KLF8: variants seen among roughly 807,000 people sequenced by gnomAD.
The protein encoded by KLF8 is Krueppel-like factor 8.
Under a neutral mutation model 18.2 loss-of-function variants are expected in KLF8, and 10 were observed. The observed-to-expected ratio is 0.55, with a 90% CI of 0.34 to 0.93. The LOEUF (loss-of-function observed/expected upper bound fraction) is 0.93. Among genes scored for constraint, KLF8 ranks in the 40% least tolerant of loss-of-function variants. The probability of loss-of-function intolerance (pLI) is 0.02; values close to 1 mark genes in which losing one functional copy is unlikely to be tolerated. For synonymous variants in KLF8, 109 were observed against 97.3 expected (o/e 1.12, Z -0.71); for missense variants, 264 against 277.9 (o/e 0.95, Z 0.36).
chrX:56,264,636 C>G (rs907511076), intron 2 of KLF8, among the ~76,000 whole-genome samples: 10 of 110,815 alleles, frequency 9.0e-5, no homozygotes, highest in Non-Finnish European at 1.7e-4. Context: ...ACAGGAATAT[C>G]TTTCTTATCT....
At chrX:56,147,447 C>CA in the KLF8 span, among the ~76,000 whole-genome samples, 1 of 110,685 alleles carries the variant, frequency 9.0e-6, no homozygotes, top group Non-Finnish European at 1.9e-5. Context: ...GGGATTTGTG[C>CA]AAAAACAAAA....
At position 56,288,598 on chromosome X, in the gene KLF8, T is replaced by A. The variant is rs745836288; in HGVS notation, c.*4104T>A. Among the ~76,000 whole-genome samples the A allele has an allele frequency of 1.9e-4, 21 of 112,321 alleles. No individual in the cohort carries two copies. The highest frequency in any genetic ancestry group is 3.4e-4 in the Non-Finnish European group (18 of 53,281). ...TTGGTTTCCCAGTGCATATAAAATT[T>A]TATGTTTACACTATCCTGTAGTCTG... is the stretch of plus-strand genomic sequence containing the variant. On this transcript the variant is annotated 3_prime_UTR_variant, in exon 6 of 6. Coordinates refer to ENST00000468660, the MANE Select transcript of KLF8 (RefSeq NM_007250.5).
chrX:56,049,370 T>C, the KLF8 span, among the ~76,000 whole-genome samples: 2 of 111,401 alleles, frequency 1.8e-5, no homozygotes, highest in Non-Finnish European at 3.8e-5. Flanking sequence ...TGCTTCTAGT[T>C]TTTGTCCATT....
the KLF8 span, among the ~76,000 whole-genome samples, chrX:56,153,598 A>G: frequency 9.0e-6 from 1 of 111,125 alleles, no homozygotes; most frequent in African/African-American, 3.3e-5. Context: ...GGCAGGAGAA[A>G]GAAATAAAGG....
chrX:55,962,080 T>TA, the KLF8 span: 2 of 149,816 alleles, frequency 1.3e-5, no homozygotes, highest in South Asian at 3.2e-4. Context: ...TTTGCAAAGA[T>TA]ACAGATGAAG....
chrX:56,056,918 G>A, the KLF8 span, among the ~76,000 whole-genome samples: 1 of 110,425 alleles, frequency 9.1e-6, no homozygotes, highest in African/African-American at 3.3e-5. Context: ...CTGATGGGTG[G>A]TGTCAGCCAA....
At chrX:56,269,533 G>A (rs981126599) in intron 4 of KLF8, 44 bp downstream of exon 4, 1 of 1,094,985 alleles carries the variant, frequency 9.1e-7, no homozygotes, top group Non-Finnish European at 1.2e-6. Flanking sequence ...GTATGTGTGT[G>A]TGTGTGTGTG....
At chrX:55,990,000 T>A in the KLF8 span, among the ~76,000 whole-genome samples, 1 of 112,021 alleles carries the variant, frequency 8.9e-6, no homozygotes, top group Non-Finnish European at 1.9e-5. Flanking sequence ...TAGAGGTGTT[T>A]ATAGTATTCT....
the KLF8 span, among the ~76,000 whole-genome samples, chrX:56,048,491 GCCAGTTTTCCCAGCA>G: frequency 8.9e-6 from 1 of 111,806 alleles, no homozygotes; most frequent in African/African-American, 3.2e-5. Flanking sequence ...CATATGGCTA[GCCAGTTTTCCCAGCA>G]CCATTTATTA....
the KLF8 span, among the ~76,000 whole-genome samples, chrX:56,067,810 A>G: frequency 1.8e-5 from 2 of 112,365 alleles, no homozygotes; most frequent in African/African-American, 3.2e-5. Flanking sequence ...CTCGAGTCCA[A>G]GGGGACTTCT....
chrX:56,158,328 C>T, the KLF8 span, among the ~76,000 whole-genome samples: 4 of 111,778 alleles, frequency 3.6e-5, no homozygotes, highest in Admixed American at 2.9e-4. Flanking sequence ...TAGTGTGATG[C>T]CTCCAGCTTT....
the KLF8 span, among the ~76,000 whole-genome samples, chrX:55,992,550 T>C: frequency 8.9e-6 from 1 of 112,115 alleles, no homozygotes; most frequent in Non-Finnish European, 1.9e-5. Flanking sequence ...GGTTTTGTTC[T>C]GTATGCACAG....
At chrX:56,085,919 G>T in the KLF8 span, among the ~76,000 whole-genome samples, 2 of 111,926 alleles carry the variant, frequency 1.8e-5, no homozygotes, top group South Asian at 7.4e-4. Flanking sequence ...CTATCACTGC[G>T]TCATGAGTTC....
chrX:56,159,744 C>A, the KLF8 span, among the ~76,000 whole-genome samples: 2 of 111,383 alleles, frequency 1.8e-5, no homozygotes, highest in South Asian at 3.8e-4. Context: ...TCCCCTTGAT[C>A]ATTTTTTCTT....
At chrX:56,164,142 A>G in the KLF8 span, among the ~76,000 whole-genome samples, 3 of 107,917 alleles carry the variant, frequency 2.8e-5, no homozygotes, top group Non-Finnish European at 5.7e-5. Context: ...GAACAAACAC[A>G]ACAACTTTAT....
At chrX:55,945,520 A>T in the KLF8 span, among the ~76,000 whole-genome samples, 123 of 111,235 alleles carry the variant, frequency 1.1e-3, no homozygotes, top group Admixed American at 4.0e-3. Context: ...TGACAAACCC[A>T]CAGCCAATAT....
the KLF8 span, among the ~76,000 whole-genome samples, chrX:56,072,614 C>G: frequency 8.9e-6 from 1 of 111,943 alleles, no homozygotes; most frequent in Admixed American, 9.5e-5. Flanking sequence ...GTGAAAGCAA[C>G]TAATACAGAC....
At chrX:56,166,914 G>T in the KLF8 span, among the ~76,000 whole-genome samples, 2 of 110,952 alleles carry the variant, frequency 1.8e-5, no homozygotes, top group African/African-American at 6.6e-5. Context: ...TTGAGAACCC[G>T]AGAGGCCTAT....
chrX:56,199,717 A>C, the KLF8 span, among the ~76,000 whole-genome samples: 5 of 111,775 alleles, frequency 4.5e-5, no homozygotes, highest in Admixed American at 1.9e-4. Context: ...TTGGCCCAGC[A>C]ATTCCTTTAT....
Sources: gnomAD v4.1 joint callset for allele counts (sites outside exome capture counted in the v4.1 genomes callset) on GRCh38, gnomAD v4.1.1 for gene constraint, MANE v1.5 for transcripts, NCBI Gene and HGNC (gene_info 2026-07-23, HGNC 2026-07-21) for gene names.